UPF2: variants seen among roughly 807,000 people sequenced by gnomAD.
UPF2 encodes regulator of nonsense transcripts 2.
UPF2 carries 17 observed loss-of-function variants against 141.4 expected under a neutral mutation model. The ratio of observed to expected loss-of-function variants is 0.12; its 90% confidence interval spans 0.08 to 0.18. The LOEUF is 0.18. Among genes scored for constraint, UPF2 ranks in the 10% least tolerant of loss-of-function variants. UPF2 has a pLI of 1.00. For synonymous variants in UPF2, 540 were observed against 498.0 expected (o/e 1.08, Z -1.12); for missense variants, 1,152 against 1,515.9 (o/e 0.76, Z 3.99).
Position 12,014,665 on chromosome 10 carries a change from TCCC to T in UPF2, c.1146-484_1146-482del, listed in dbSNP as rs2131286430. ...ATTTGGTTTTTTATTACTGTCATAC[TCCC>T]CTCAGACATACAGAACTAACCAAAA... On this transcript the variant is annotated intron_variant, in intron 3 of 21. Coordinates refer to ENST00000357604, the MANE Select transcript of UPF2 (RefSeq NM_015542.4). The surrounding 1 kb of genome is among the most constrained non-coding windows in gnomAD (Gnocchi z 5.0). Among the ~76,000 whole-genome samples the T allele has an allele frequency of 6.6e-6, 1 of 152,254 alleles. No individual in the cohort carries two copies. Among genetic ancestry groups the T allele is most frequent in the South Asian group, 2.1e-4 (1 of 4,822 alleles).
chr10:12,029,458 A>G lies in UPF2; in HGVS notation c.432T>C (p.Leu144=). 6.2e-7 allele frequency: 1 copy of G among 1,612,884 alleles called. No individual in the cohort carries two copies. The highest frequency in any genetic ancestry group is 8.5e-7 in the Non-Finnish European group (1 of 1,179,806). Residue 144 remains leucine (L), a synonymous_variant, in exon 3 of 22, where the codon CTT becomes CTC. Transcript: ENST00000357604. The part of the protein sequence containing the change: ...AWERHHLRKE[L]RSKNQNAPDS... ...CCGGAGCATTTTGGTTTTTGCTACG[A>G]AGTTCCTTTCTTAAATGATGTCGTT...
chr10:12,029,505 G>C lies in UPF2; in HGVS notation c.385C>G (p.Gln129Glu), dbSNP rs1198984259. ...CGTTCCCAAGCTTCCTGATGAAGCT[G>C]AATGGATTCTTCTTTTTCTCTATAT... ...AQMKEKEESI[Q>E]LHQEAWERHH... The change falls in exon 3 of 22, where the codon CAG (glutamine) becomes GAG (glutamate). Residue 129 changes from glutamine to glutamate, a missense_variant. By Grantham distance (29) the Gln-to-Glu change is conservative. Transcript: ENST00000357604. 11 of 1,585,782 alleles carry C rather than the reference G, an allele frequency of 6.9e-6. No individual in the cohort carries two copies. Among genetic ancestry groups the C allele is most frequent in the Non-Finnish European group, 9.4e-6 (11 of 1,172,318 alleles).
At chr10:11,969,972 G>A (rs1285704192) in intron 9 of UPF2, among the ~76,000 whole-genome samples, 3 of 152,116 alleles carry the variant, frequency 2.0e-5, no homozygotes, top group African/African-American at 4.8e-5. Context: ...TAATACATGG[G>A]CACTAAATAA....
chr10:11,943,649 C>A (rs1266405900), intron 16 of UPF2, among the ~76,000 whole-genome samples: 1 of 152,182 alleles, frequency 6.6e-6, no homozygotes, highest in Non-Finnish European at 1.5e-5. Context: ...TTTGTTTGCT[C>A]TACCCAAGTC....
rs951259709 is a variant in UPF2 at position 11,956,344 on chromosome 10, T to C, written c.2550A>G (p.Leu850=). 3 of 1,614,054 alleles carry C rather than the reference T, an allele frequency of 1.9e-6. No individual in the cohort carries two copies. Among genetic ancestry groups the C allele is most frequent in the Non-Finnish European group, 2.5e-6 (3 of 1,180,024 alleles). ...CCTCCATTCCTAATCGAATATCTTC[T>C]AACACTCCATCCACAACGTGGATCC... ...DVGIHVVDGV[L]EDIRLGMEVN... Residue 850 remains leucine, a synonymous_variant, in exon 13 of 22, where the codon TTA becomes TTG. Transcript: ENST00000357604. The surrounding 1 kb of genome is among the most constrained non-coding windows in gnomAD (Gnocchi z 4.2).
intron 9 of UPF2, among the ~76,000 whole-genome samples, chr10:11,978,224 G>C (rs1833537909): frequency 6.6e-6 from 1 of 152,252 alleles, no homozygotes; most frequent in African/African-American, 2.4e-5. Flanking sequence ...CAGTGAGTGA[G>C]AGAAAGCGTG....
chr10:11,991,856 G>A (rs1362758128), intron 8 of UPF2, among the ~76,000 whole-genome samples: 2 of 152,236 alleles, frequency 1.3e-5, no homozygotes, highest in South Asian at 2.1e-4. Context: ...ATTAGAAAAT[G>A]AACTTCAGGC....
intron 6 of UPF2, among the ~76,000 whole-genome samples, chr10:12,000,805 A>G (rs772181588): frequency 1.1e-4 from 16 of 152,056 alleles, no homozygotes; most frequent in Non-Finnish European, 2.1e-4. Flanking sequence ...CCCTGTCTCA[A>G]AAAAGTAAAT....
At position 11,968,929 on chromosome 10, in the gene UPF2, C is replaced by T. The variant is rs145861994; in HGVS notation, c.1954-1475G>A. 4.2e-3 allele frequency among the ~76,000 whole-genome samples: 639 copies of T among 152,270 alleles called. 2 individuals are homozygous for T. Among genetic ancestry groups the T allele is most frequent in the Non-Finnish European group, 6.3e-3 (430 of 68,014 alleles). ...AGGCTGGAGTGCAGTGGCACAATCTCGGCTCACTGCGACCTCCACCTCCTG... is the reference window on the plus strand; with the variant it reads ...AGGCTGGAGTGCAGTGGCACAATCTTGGCTCACTGCGACCTCCACCTCCTG... On this transcript the variant is annotated intron_variant, in intron 9 of 21. Transcript: ENST00000357604.
rs1834467707 is a variant in UPF2, at chr10:12,028,959, A to C, written c.931T>G (p.Phe311Val). 1 of 1,614,198 alleles carries C rather than the reference A, an allele frequency of 6.2e-7. No individual in the cohort carries two copies. The highest frequency in any genetic ancestry group is 8.5e-7 in the Non-Finnish European group (1 of 1,180,042). The change falls in exon 3 of 22, where the codon TTC becomes GTC. Residue 311 changes from phenylalanine (F) to valine (V), a missense_variant. Coordinates refer to ENST00000357604, the MANE Select transcript of UPF2 (RefSeq NM_015542.4). Reference sequence around the variant, plus strand: ...ATATCATCTCCACAATGTCGACAGAAACTAATCACTACAGAGACATGAGTG... The same window carrying C: ...ATATCATCTCCACAATGTCGACAGACACTAATCACTACAGAGACATGAGTG... ...SHTHVSVVIS[F>V]CRHCGDDIAG... is the part of the protein sequence containing the mutation.
intron 8 of UPF2, among the ~76,000 whole-genome samples, chr10:11,989,105 A>T (rs1175851261): frequency 6.6e-6 from 1 of 152,184 alleles, no homozygotes; most frequent in Non-Finnish European, 1.5e-5. Flanking sequence ...CCAACCAGGA[A>T]ATGTCAACCT....
At chr10:11,928,492 G>A (rs946009778) in intron 21 of UPF2, among the ~76,000 whole-genome samples, 1 of 149,760 alleles carries the variant, frequency 6.7e-6, no homozygotes. Context: ...GGCGGATCAC[G>A]AGGTCAGGAG....
Position 12,035,333 on chromosome 10 carries a change from C to T in UPF2, c.91G>A (p.Val31Met). 1 of 1,612,954 alleles carries T rather than the reference C, an allele frequency of 6.2e-7. No homozygotes were observed. Among genetic ancestry groups the T allele is most frequent in the Non-Finnish European group, 8.5e-7 (1 of 1,179,812 alleles). ...TCTTTTGGCCTCTCCTTGCTGCTCA[C>T]TGTCCGCCTTTCACTGCAGTCTTTT... ...KEKDCSERRT[V>M]SSKERPKDDI... The change falls in exon 2 of 22, where the codon GTG becomes ATG. Residue 31 changes from valine to methionine, a missense_variant. Coordinates refer to ENST00000357604, the MANE Select transcript of UPF2 (RefSeq NM_015542.4).
intron 9 of UPF2, among the ~76,000 whole-genome samples, chr10:11,969,019 C>T (rs920055933): frequency 3.3e-5 from 5 of 152,076 alleles, no homozygotes; most frequent in African/African-American, 1.2e-4. Flanking sequence ...TGCCATCATG[C>T]CCGGCTAAAT....
At position 11,955,221 on chromosome 10, in the gene UPF2, A is replaced by G. The variant is rs1833130243; in HGVS notation, c.2850+11T>C. ...TAAATGATGCCAAACTGAATATTTC[A>G]GCTTATATACCTGAAAATATACAAG... On this transcript the variant is annotated intron_variant, in intron 14 of 21. Coordinates refer to ENST00000357604, the MANE Select transcript of UPF2 (RefSeq NM_015542.4). 6.4e-7 allele frequency: 1 copy of G among 1,562,626 alleles called. No individual in the cohort carries two copies. Among genetic ancestry groups the G allele is most frequent in the Non-Finnish European group, 8.7e-7 (1 of 1,154,594 alleles).
Position 11,921,184 on chromosome 10 carries a change from A to G in UPF2, c.*114T>C, listed in dbSNP as rs1832638611. On this transcript the variant is annotated 3_prime_UTR_variant, in exon 22 of 22. Coordinates refer to ENST00000357604, the MANE Select transcript of UPF2 (RefSeq NM_015542.4). The surrounding 1 kb of genome is among the most constrained non-coding windows in gnomAD (Gnocchi z 5.9). Reference sequence around the variant, plus strand: ...CAGCCTGTCCCAGGTTTAGATTCGCAACTCTCTAGACCGACCTGCTGAGAT... The same window carrying G: ...CAGCCTGTCCCAGGTTTAGATTCGCGACTCTCTAGACCGACCTGCTGAGAT... 2.1e-6 allele frequency: 3 copies of G among 1,460,392 alleles called. No individual in the cohort carries two copies. The South Asian group carries it at 3.4e-5, about 17-fold the overall frequency. The allele number at this position is 1,460,392 out of a possible 1,614,324, so 90.5% of individuals were successfully genotyped here.
intron 14 of UPF2, among the ~76,000 whole-genome samples, chr10:11,954,633 CA>C (rs199644138): frequency 0.053 from 6,835 of 127,968 alleles, 430 homozygotes; most frequent in African/African-American, 0.16. Flanking sequence ...GACTTACTCT[CA>C]AAAAAAAAAA....
intron 3 of UPF2, chr10:12,026,737 ACCTC>A: frequency 1.2e-5 from 5 of 414,042 alleles, no homozygotes; most frequent in South Asian, 8.5e-5. Flanking sequence ...TGCAACCTCC[ACCTC>A]CCAGGGTCAA....
chr10:11,938,866 T>TTTTTTTTTTTTTTTTG (rs1832895601), intron 18 of UPF2, among the ~76,000 whole-genome samples: 2 of 88,652 alleles, frequency 2.3e-5, no homozygotes, highest in African/African-American at 7.3e-5. Context: ...TTTTTTTTTT[T>TTTTTTTTTTTTTTTTG]TTTTTTTTTT....
Sources: gnomAD v4.1 joint callset for allele counts (sites outside exome capture counted in the v4.1 genomes callset) on GRCh38, gnomAD v4.1.1 for gene constraint, Gnocchi (gnomAD v3.1) non-coding constraint, MANE v1.5 for transcripts, NCBI Gene and HGNC (gene_info 2026-07-23, HGNC 2026-07-21) for gene names.